MAF: variants seen among roughly 807,000 people sequenced by gnomAD.
MAF encodes the protein MAF bZIP transcription factor.
Under a neutral mutation model 22.0 loss-of-function variants are expected in MAF, and 10 were observed. The observed-to-expected ratio is 0.45, with a 90% CI of 0.28 to 0.77. The LOEUF is 0.77. Ranked by LOEUF, MAF falls within the 30% of genes least tolerant of loss-of-function variation. The pLI is 0.12. For synonymous variants in MAF, 337 were observed against 255.8 expected, an observed-to-expected ratio of 1.32 and a Z score of -3.03; for missense variants, 544 against 548.4, an observed-to-expected ratio of 0.99 and a Z score of 0.08.
At chr16:79,597,878 G>C in intron 1 of MAF, 1 of 1,032,722 alleles carries the variant, frequency 9.7e-7, no homozygotes, top group Non-Finnish European at 1.2e-6. Context: ...CTAAGACAAA[G>C]TAGCAAGCAT....
downstream of MAF, among the ~76,000 whole-genome samples, chr16:79,581,887 C>T (rs1251561906): frequency 3.9e-5 from 6 of 152,322 alleles, no homozygotes; most frequent in Admixed American, 3.9e-4. Context: ...ATTGACAATA[C>T]CTGTAAATCT....
the MAF span, among the ~76,000 whole-genome samples, chr16:79,239,332 G>C: frequency 1.1e-4 from 17 of 152,166 alleles, no homozygotes; most frequent in Admixed American, 5.2e-4. Flanking sequence ...GAAGTGAGGA[G>C]TTTCCTGGGC....
chr16:79,516,928 A>G, the MAF span, among the ~76,000 whole-genome samples: 1 of 152,188 alleles, frequency 6.6e-6, no homozygotes, highest in South Asian at 2.1e-4. Flanking sequence ...AAAATTTTGC[A>G]TGGCTAGGAA....
the MAF span, among the ~76,000 whole-genome samples, chr16:79,283,815 T>G: frequency 3.9e-5 from 6 of 152,112 alleles, no homozygotes; most frequent in African/African-American, 1.4e-4. Flanking sequence ...TCCAGAGACC[T>G]TGGGCAGATG....
At chr16:79,554,917 C>G in the MAF span, among the ~76,000 whole-genome samples, 2 of 152,320 alleles carry the variant, frequency 1.3e-5, no homozygotes, top group South Asian at 2.1e-4. Flanking sequence ...CTGATACACA[C>G]AAAGTGCTCC....
At chr16:79,465,506 T>A in the MAF span, among the ~76,000 whole-genome samples, 2 of 152,042 alleles carry the variant, frequency 1.3e-5, no homozygotes, top group African/African-American at 4.8e-5. Context: ...GCTGGGAGGA[T>A]CTCTTGAGCC....
chr16:79,249,344 G>C, the MAF span, among the ~76,000 whole-genome samples: 1 of 151,606 alleles, frequency 6.6e-6, no homozygotes, highest in Non-Finnish European at 1.5e-5. Context: ...ACCTGAATCT[G>C]GGAGGTGGAG....
the MAF span, among the ~76,000 whole-genome samples, chr16:79,477,716 T>C: frequency 6.6e-6 from 1 of 152,074 alleles, no homozygotes; most frequent in Non-Finnish European, 1.5e-5. Context: ...TGGAATTAAG[T>C]GACATTTTTT....
At chr16:79,285,218 C>T in the MAF span, among the ~76,000 whole-genome samples, 2 of 152,090 alleles carry the variant, frequency 1.3e-5, no homozygotes. Flanking sequence ...CCTGTCAGTG[C>T]AGACTGGACT....
At chr16:79,523,393 G>C in the MAF span, among the ~76,000 whole-genome samples, 1 of 152,234 alleles carries the variant, frequency 6.6e-6, no homozygotes, top group African/African-American at 2.4e-5. Flanking sequence ...ATGAGGTTAT[G>C]TTGAAGCTCT....
At chr16:79,262,414 AT>A in the MAF span, among the ~76,000 whole-genome samples, 1 of 152,182 alleles carries the variant, frequency 6.6e-6, no homozygotes, top group African/African-American at 2.4e-5. Flanking sequence ...GGACAGAACT[AT>A]TTTGGGATGT....
chr16:79,265,756 C>G, the MAF span, among the ~76,000 whole-genome samples: 1 of 152,194 alleles, frequency 6.6e-6, no homozygotes, highest in African/African-American at 2.4e-5. Flanking sequence ...TTCACCTTTT[C>G]CCCTAAAGGA....
the MAF span, among the ~76,000 whole-genome samples, chr16:79,359,239 A>G: frequency 4.6e-5 from 7 of 152,294 alleles, no homozygotes; most frequent in South Asian, 1.5e-3. Context: ...AAACCAGGTC[A>G]TCTTGTTGCC....
At chr16:79,481,591 T>A in the MAF span, among the ~76,000 whole-genome samples, 7 of 151,998 alleles carry the variant, frequency 4.6e-5, no homozygotes, top group Non-Finnish European at 1.0e-4. Flanking sequence ...TATTCGCCCA[T>A]CCATCAACCC....
the MAF span, among the ~76,000 whole-genome samples, chr16:79,422,975 G>C: frequency 6.6e-6 from 1 of 152,056 alleles, no homozygotes; most frequent in Non-Finnish European, 1.5e-5. Context: ...CCTGGAAGGG[G>C]AAACCAACTA....
the MAF span, among the ~76,000 whole-genome samples, chr16:79,537,625 G>C: frequency 2.0e-5 from 3 of 152,094 alleles, no homozygotes; most frequent in African/African-American, 2.4e-5. Context: ...TTTTCAATTA[G>C]GAACAGGTTG....
chr16:79,421,207 C>T, the MAF span, among the ~76,000 whole-genome samples: 12 of 152,112 alleles, frequency 7.9e-5, no homozygotes, highest in African/African-American at 1.7e-4. Flanking sequence ...TGTTATTGTC[C>T]GCAGTTTCAG....
chr16:79,272,133 GC>G, the MAF span, among the ~76,000 whole-genome samples: 3 of 152,194 alleles, frequency 2.0e-5, no homozygotes, highest in Admixed American at 2.0e-4. Context: ...GCAGGCGGGG[GC>G]CCCCACCAGG....
At chr16:79,368,712 C>T in the MAF span, among the ~76,000 whole-genome samples, 1 of 152,164 alleles carries the variant, frequency 6.6e-6, no homozygotes, top group Non-Finnish European at 1.5e-5. Context: ...GTGTATATTT[C>T]TGGAATGTGT....
Sources: allele counts gnomAD v4.1 joint callset (sites outside exome capture counted in the v4.1 genomes callset), GRCh38; gene constraint gnomAD v4.1.1; transcripts MANE v1.5; gene names NCBI Gene and HGNC (gene_info 2026-07-23, HGNC 2026-07-21).